Variants in RASGRP3 observed in about 807,000 individuals in gnomAD.
RASGRP3 encodes ras guanyl-releasing protein 3.
RASGRP3 carries 54 observed loss-of-function variants against 82.7 expected under a neutral mutation model. That is an observed-to-expected ratio of 0.65 (90% CI 0.52 to 0.82). RASGRP3 has a LOEUF of 0.82. Among genes scored for constraint, RASGRP3 ranks in the 40% least tolerant of loss-of-function variants. RASGRP3 has a pLI of 0.00. For missense variants in RASGRP3, 861 were observed against 828.9 expected, an observed-to-expected ratio of 1.04 and a Z score of -0.48; for synonymous variants, 309 against 300.5, an observed-to-expected ratio of 1.03 and a Z score of -0.29.
intron 17 of RASGRP3, among the ~76,000 whole-genome samples, chr2:33,561,217 C>A (rs1175954379): frequency 6.6e-6 from 1 of 152,148 alleles, no homozygotes; most frequent in Non-Finnish European, 1.5e-5. Flanking sequence ...CAGGCATGTG[C>A]CACCATGCCC....
intron 1 of RASGRP3, among the ~76,000 whole-genome samples, chr2:33,504,711 A>G (rs1416456006): frequency 6.6e-6 from 1 of 152,170 alleles, no homozygotes; most frequent in Non-Finnish European, 1.5e-5. Flanking sequence ...CCTTCTGTTC[A>G]CATTCTCTTG....
chr2:33,484,695 A>G (rs1242901548), intron 1 of RASGRP3, among the ~76,000 whole-genome samples: 7 of 152,198 alleles, frequency 4.6e-5, no homozygotes, highest in African/African-American at 1.7e-4. Context: ...TCTGCTATTG[A>G]GAGAGGAAAT....
intron 2 of RASGRP3, among the ~76,000 whole-genome samples, chr2:33,461,305 GTCTTTC>G (rs1346091978): frequency 6.6e-6 from 1 of 152,166 alleles, no homozygotes; most frequent in African/African-American, 2.4e-5. Flanking sequence ...TTTTGAGACA[GTCTTTC>G]TCTGTCACCT....
At chr2:33,540,436 A>T (rs1674136503) in intron 12 of RASGRP3, among the ~76,000 whole-genome samples, 1 of 146,012 alleles carries the variant, frequency 6.8e-6, no homozygotes, top group Non-Finnish European at 1.5e-5. Context: ...CAGCTCAGGA[A>T]TGTCTGAAGC....
intron 1 of RASGRP3, among the ~76,000 whole-genome samples, chr2:33,477,852 G>A (rs905788489): frequency 4.6e-5 from 7 of 152,192 alleles, no homozygotes; most frequent in Admixed American, 4.6e-4. Context: ...ATCTTGAGGA[G>A]GGTGGGCAGA....
intron 1 of RASGRP3, among the ~76,000 whole-genome samples, chr2:33,496,241 GA>G (rs1174401546): frequency 6.6e-6 from 1 of 152,196 alleles, no homozygotes; most frequent in Non-Finnish European, 1.5e-5. Context: ...CAGATAAAGA[GA>G]AAAAAGTTTA....
chr2:33,521,808 G>A (rs1039770827), intron 6 of RASGRP3, 147 bp from the exon 7 acceptor site: 3 of 1,006,082 alleles, frequency 3.0e-6, no homozygotes, highest in Non-Finnish European at 4.3e-6. Context: ...CTGGTCAGTG[G>A]TTTTCTCTTC....
intron 1 of RASGRP3, among the ~76,000 whole-genome samples, chr2:33,492,407 A>G (rs1668930212): frequency 6.6e-6 from 1 of 152,160 alleles, no homozygotes; most frequent in Admixed American, 6.5e-5. Context: ...TGATTTCAGG[A>G]TTGTATAGAT....
At chr2:33,494,489 GT>G (rs1206512862) in intron 1 of RASGRP3, among the ~76,000 whole-genome samples, 20 of 152,304 alleles carry the variant, frequency 1.3e-4, no homozygotes, top group African/African-American at 3.6e-4. Context: ...ATCCCAAAGG[GT>G]CTACCGTGAT....
intron 3 of RASGRP3, 109 bp from the exon 4 acceptor site, chr2:33,516,433 T>G: frequency 1.5e-6 from 1 of 673,042 alleles, no homozygotes; most frequent in Non-Finnish European, 2.5e-6. Context: ...AAAGATCATT[T>G]GTCTATGAAA....
chr2:33,499,789 A>G (rs1172476234), intron 1 of RASGRP3, among the ~76,000 whole-genome samples: 4 of 151,238 alleles, frequency 2.6e-5, no homozygotes, highest in South Asian at 2.1e-4. Context: ...GGATAAGATT[A>G]GAGAAGAAAA....
chr2:33,484,291 A>G (rs1456011115), intron 1 of RASGRP3, among the ~76,000 whole-genome samples: 2 of 152,216 alleles, frequency 1.3e-5, no homozygotes, highest in Admixed American at 6.5e-5. Flanking sequence ...AATCTCTTCA[A>G]GTCTCAAGTT....
upstream of RASGRP3, among the ~76,000 whole-genome samples, chr2:33,474,051 C>T (rs1471058111): frequency 6.6e-6 from 1 of 152,066 alleles, no homozygotes; most frequent in African/African-American, 2.4e-5. Flanking sequence ...AGGCAGAGCT[C>T]AGATGGTCAT....
chr2:33,472,628 G>A (rs560133494), upstream of RASGRP3, among the ~76,000 whole-genome samples: 1 of 152,138 alleles, frequency 6.6e-6, no homozygotes, highest in Non-Finnish European at 1.5e-5. Context: ...CGCCATGGGA[G>A]AGCTTTTCAA....
chr2:33,482,904 C>T (rs1373794733), intron 1 of RASGRP3: 1 of 152,032 alleles, frequency 6.6e-6, no homozygotes, highest in Non-Finnish European at 1.5e-5. Context: ...TGAAAGGTAG[C>T]CTTCTTTGAA....
chr2:33,523,636 C>T (rs1333586739), intron 7 of RASGRP3, among the ~76,000 whole-genome samples: 1 of 152,100 alleles, frequency 6.6e-6, no homozygotes, highest in African/African-American at 2.4e-5. Context: ...TCTCCTCCCA[C>T]CAAAGCTGTG....
At chr2:33,551,906 T>C (rs1314128040) in intron 14 of RASGRP3, among the ~76,000 whole-genome samples, 2 of 152,052 alleles carry the variant, frequency 1.3e-5, no homozygotes, top group African/African-American at 4.8e-5. Flanking sequence ...GGCAGGAGAA[T>C]GGCGTGAACC....
intron 14 of RASGRP3, among the ~76,000 whole-genome samples, chr2:33,554,083 A>T (rs772389658): frequency 6.6e-6 from 1 of 152,204 alleles, no homozygotes; most frequent in Non-Finnish European, 1.5e-5. Context: ...ATAGCTGTTA[A>T]GGCTCAAAGG....
At position 33,440,258 on chromosome 2, in the gene RASGRP3, G is replaced by C. The variant is rs554528752; in HGVS notation, c.-385+3667G>C. 2.6e-5 allele frequency among the ~76,000 whole-genome samples: 4 copies of C among 152,274 alleles called. No homozygotes were observed. In the South Asian group the frequency reaches 8.3e-4, roughly 32 times the overall value. On this transcript the variant is annotated intron_variant, in intron 1 of 18. Coordinates refer to the RASGRP3 transcript ENST00000402538. ...GACAACATTTATTAAGCACTTACTC[G>C]ATGTCAAGCCTTTTATCTCCATTAT...
Sources: allele counts gnomAD v4.1 joint callset (sites outside exome capture counted in the v4.1 genomes callset), GRCh38; gene constraint gnomAD v4.1.1; transcripts MANE v1.5; gene names NCBI Gene and HGNC (gene_info 2026-07-23, HGNC 2026-07-21).